The following ZNF658 variants were observed in gnomAD, a reference collection of about 807,000 sequenced individuals.
The protein encoded by ZNF658 is zinc finger protein 658.
A neutral mutation model predicts 78.0 loss-of-function variants in ZNF658; 46 were observed. The ratio of observed to expected loss-of-function variants is 0.59; its 90% CI spans 0.47 to 0.75. ZNF658 has a LOEUF of 0.75. Ranked by LOEUF, ZNF658 falls within the 30% of genes least tolerant of loss-of-function variation. The probability of loss-of-function intolerance (pLI) is 0.00; values close to 1 mark genes in which losing one functional copy is unlikely to be tolerated. For missense variants in ZNF658, 785 were observed against 1,189.3 expected (o/e 0.66, Z 5.00); for synonymous variants, 279 against 408.4 (o/e 0.68, Z 3.82).
chr9:66,918,582 C>T lies in ZNF658; in HGVS notation c.1016C>T (p.Ala339Val), dbSNP rs1822405388. The T allele has an allele frequency of 6.2e-7, 1 of 1,608,174 alleles. No individual in the cohort carries two copies. The highest frequency in any genetic ancestry group is 1.1e-5 in the South Asian group (1 of 90,826). The stretch of plus-strand genomic sequence containing the variant: ...GAAGAAAATTTTAGCCAGAGCTCAG[C>T]CCATATAGTACATCAGAAAACACAA... ...KCEENFSQSS[A>V]HIVHQKTQAG... The change falls in exon 5 of 5, where the codon GCC (alanine) becomes GTC (valine). Residue 339 changes from alanine to valine, a missense_variant. Coordinates refer to ENST00000621410, the MANE Select transcript of ZNF658 (RefSeq NM_033160.7).
At chr9:66,905,177 G>A (rs1340436340) in intron 2 of ZNF658, among the ~76,000 whole-genome samples, 1 of 136,344 alleles carries the variant, frequency 7.3e-6, no homozygotes, top group Non-Finnish European at 1.5e-5. Flanking sequence ...CCGGGTTCAA[G>A]CAATCCTTGT....
At chr9:66,903,784 T>G (rs1317903790) in intron 2 of ZNF658, among the ~76,000 whole-genome samples, 1 of 152,136 alleles carries the variant, frequency 6.6e-6, no homozygotes, top group African/African-American at 2.4e-5. Flanking sequence ...AAGCTTCAGA[T>G]TTATTTCTGA....
chr9:66,908,983 A>G (rs1317672036), intron 4 of ZNF658, among the ~76,000 whole-genome samples: 1 of 152,250 alleles, frequency 6.6e-6, no homozygotes, highest in Non-Finnish European at 1.5e-5. Flanking sequence ...ACAATATAGT[A>G]TAACAACTAT....
At chr9:66,911,619 TTCAGC>T (rs78246268) in intron 4 of ZNF658, among the ~76,000 whole-genome samples, 54,814 of 110,574 alleles carry the variant, frequency 0.5, 14,853 homozygotes, top group African/African-American at 0.67. Context: ...TGAATTAAAC[TTCAGC>T]TAACCCTATC....
At position 66,918,441 on chromosome 9, in the gene ZNF658, T is replaced by C. The variant is rs1343159089; in HGVS notation, c.875T>C (p.Met292Thr). Residue 292 changes from methionine to threonine, a missense_variant, in exon 5 of 5, where the codon ATG (methionine) becomes ACG (threonine). Around this residue, in one of 12 missense-constraint regions of ZNF658, gnomAD observed 393 missense variants for 400.2 expected, o/e 0.98. Coordinates refer to ENST00000621410, the MANE Select transcript of ZNF658 (RefSeq NM_033160.7). ...GCTGTTGAATACAATAAAGTTCACATGGCTATGACACACTATGAGTGTAAT... is the reference window on the plus strand; with the variant it reads ...GCTGTTGAATACAATAAAGTTCACACGGCTATGACACACTATGAGTGTAAT... Reference protein sequence around the residue: ...TTAVEYNKVHMAMTHYECNER... With the variant: ...TTAVEYNKVHTAMTHYECNER... 3.1e-6 allele frequency: 5 copies of C among 1,611,700 alleles called. No individual in the cohort carries two copies. The African/African-American group carries it at 5.3e-5, about 17-fold the overall frequency.
intron 2 of ZNF658, among the ~76,000 whole-genome samples, chr9:66,905,369 G>A (rs369593898): frequency 0.015 from 2,166 of 148,996 alleles, 28 homozygotes; most frequent in Middle Eastern, 0.027. Flanking sequence ...TGCTCCCAGC[G>A]AGTGTGGATT....
At chr9:66,914,759 A>AT (rs1417853533) in intron 4 of ZNF658, among the ~76,000 whole-genome samples, 1 of 151,988 alleles carries the variant, frequency 6.6e-6, no homozygotes, top group Non-Finnish European at 1.5e-5. Flanking sequence ...ACTGTTTGGC[A>AT]TTTTTGAGGT....
In ZNF658 at chr9:66,920,767, ATAACACG is replaced by A. The variant is rs749979626; in HGVS notation, c.*24_*30del. 3 of 757,726 alleles carry A rather than the reference ATAACACG, an allele frequency of 4.0e-6. No homozygotes were observed. The highest frequency in any genetic ancestry group is 2.2e-5 in the Admixed American group (1 of 45,620). The allele number at this position is 757,726 out of a possible 1,614,324, so 46.9% of individuals were successfully genotyped here. On this transcript the variant is annotated 3_prime_UTR_variant, in exon 5 of 5. Transcript: ENST00000621410. ...CCTGAGGGAATGCATACCTTACCAC[ATAACACG>A]TAGTGCAGAAACTCATGTGACATAG...
intron 6 of ZNF658, chr9:66,931,995 C>T (rs1414935402): frequency 2.1e-5 from 3 of 145,876 alleles, no homozygotes; most frequent in Non-Finnish European, 4.5e-5. Context: ...CTGTCCCCGA[C>T]TTACTTTTCT....
intron 4 of ZNF658, among the ~76,000 whole-genome samples, chr9:66,910,457 T>C (rs1822187838): frequency 6.6e-6 from 1 of 151,604 alleles, no homozygotes; most frequent in Non-Finnish European, 1.5e-5. Context: ...TTGGATCATA[T>C]TGATTGTCTA....
At chr9:66,907,232 C>A (rs1485597968) in intron 2 of ZNF658, among the ~76,000 whole-genome samples, 1 of 152,112 alleles carries the variant, frequency 6.6e-6, no homozygotes, top group African/African-American at 2.4e-5. Context: ...TGCTTATCTT[C>A]ATCCCCATCT....
At chr9:66,907,662 G>A (rs1366937411) in intron 2 of ZNF658, among the ~76,000 whole-genome samples, 2 of 152,214 alleles carry the variant, frequency 1.3e-5, no homozygotes, top group African/African-American at 4.8e-5. Context: ...TTCTCATACA[G>A]CTAGATTGAG....
intron 4 of ZNF658, among the ~76,000 whole-genome samples, chr9:66,914,342 A>T (rs1435779359): frequency 6.6e-6 from 1 of 151,884 alleles, no homozygotes; most frequent in Non-Finnish European, 1.5e-5. Flanking sequence ...ATAGATTTGT[A>T]TATTGGCCTT....
intron 2 of ZNF658, among the ~76,000 whole-genome samples, chr9:66,907,461 T>C (rs1822105656): frequency 6.6e-6 from 1 of 152,088 alleles, no homozygotes; most frequent in African/African-American, 2.4e-5. Flanking sequence ...CTATTCCTCT[T>C]ATGTAACTGA....
chr9:66,931,578 T>C (rs1822644929), intron 6 of ZNF658, among the ~76,000 whole-genome samples: 2 of 150,568 alleles, frequency 1.3e-5, no homozygotes, highest in Admixed American at 1.3e-4. Context: ...CTACGCTTGG[T>C]GAAATGTATA....
At chr9:66,912,119 C>A (rs1587360861) in intron 4 of ZNF658, among the ~76,000 whole-genome samples, 2 of 35,760 alleles carry the variant, frequency 5.6e-5, no homozygotes, top group Admixed American at 3.5e-4. Flanking sequence ...GGCGACAGAG[C>A]AAGACCCCAT....
chr9:66,910,036 C>T (rs531564041), intron 4 of ZNF658, among the ~76,000 whole-genome samples: 8 of 152,204 alleles, frequency 5.3e-5, no homozygotes, highest in South Asian at 4.1e-4. Context: ...GTGTTTCTTC[C>T]GCTTCTTATA....
chr9:66,908,537 C>A, intron 3 of ZNF658, 102 bp from the exon 4 acceptor site: 1 of 1,461,284 alleles, frequency 6.8e-7, no homozygotes. Flanking sequence ...TTAAAAATTT[C>A]AAATGAACAC....
Position 66,918,337 on chromosome 9 carries a change from A to G in ZNF658, c.771A>G (p.Leu257=). 2 of 1,613,930 alleles carry G rather than the reference A, an allele frequency of 1.2e-6. No homozygotes were observed. Among genetic ancestry groups the G allele is most frequent in the African/African-American group, 2.7e-5 (2 of 75,048 alleles). The change falls in exon 5 of 5, where the codon TTA becomes TTG. Residue 257 remains leucine (L), a synonymous_variant. Transcript: ENST00000621410. ...GAAAAAACTTTGATAAAATCACTTT[A>G]TTTAACCACATGAGAACTGACACAA... ...EFRKNFDKIT[L]FNHMRTDTRG...
Sources: allele counts gnomAD v4.1 joint callset (sites outside exome capture counted in the v4.1 genomes callset), GRCh38; gene constraint gnomAD v4.1.1; regional missense constraint gnomAD v4.1.1; transcripts MANE v1.5; gene names NCBI Gene and HGNC (gene_info 2026-07-23, HGNC 2026-07-21).